The following MSRB3 variants were observed in gnomAD, a reference collection of about 807,000 sequenced individuals.
The protein encoded by MSRB3 is methionine sulfoxide reductase B3.
In MSRB3, 13 loss-of-function variants were observed where a neutral mutation model predicts 21.0. That is an observed-to-expected ratio of 0.62 (90% CI 0.40 to 0.98). The LOEUF (loss-of-function observed/expected upper bound fraction) is 0.98, where lower values mean the gene tolerates loss of function less well. Ranked by LOEUF, MSRB3 falls within the 50% of genes least tolerant of loss-of-function variation. The probability of loss-of-function intolerance (pLI) is 0.00; values close to 1 mark genes in which losing one functional copy is unlikely to be tolerated. For missense variants in MSRB3, 199 were observed against 230.3 expected (o/e 0.86, Z 0.88); for synonymous variants, 87 against 88.6 (o/e 0.98, Z 0.10).
intron 5 of MSRB3, among the ~76,000 whole-genome samples, chr12:65,396,216 C>G (rs1369484080): frequency 6.6e-6 from 1 of 152,152 alleles, no homozygotes; most frequent in East Asian, 1.9e-4. Context: ...TCATTTAGTT[C>G]AAAATATTTT....
intron 5 of MSRB3, among the ~76,000 whole-genome samples, chr12:65,432,939 G>A (rs1174754210): frequency 6.6e-6 from 1 of 151,936 alleles, no homozygotes; most frequent in African/African-American, 2.4e-5. Context: ...TATATTCTGA[G>A]TCCCTTAGGA....
chr12:65,347,368 A>G (rs1463610581), intron 4 of MSRB3, among the ~76,000 whole-genome samples: 1 of 152,166 alleles, frequency 6.6e-6, no homozygotes, highest in Non-Finnish European at 1.5e-5. Flanking sequence ...GAGTTCACTC[A>G]TGATTTGGCT....
At chr12:65,282,637 C>A (rs149079569) in intron 1 of MSRB3, among the ~76,000 whole-genome samples, 2 of 151,834 alleles carry the variant, frequency 1.3e-5, no homozygotes, top group East Asian at 3.9e-4. Flanking sequence ...TAGAACATTC[C>A]CTGTCTCTAG....
Position 65,466,392 on chromosome 12 carries a change from CAATG to C in MSRB3, c.*3073_*3076del, listed in dbSNP as rs1883575762. ...ATTTATTTTTGCAGGATATGGAGTGCAATGAACTGAGTCAATATGGCAAGGTGTA... is the reference window on the plus strand; with the variant it reads ...ATTTATTTTTGCAGGATATGGAGTGCAACTGAGTCAATATGGCAAGGTGTA... On this transcript the variant is annotated 3_prime_UTR_variant, in exon 7 of 7. Transcript: ENST00000308259. 1 of 152,128 alleles carries C rather than the reference CAATG, an allele frequency of 6.6e-6. No individual in the cohort carries two copies. Among genetic ancestry groups the C allele is most frequent in the Admixed American group, 6.6e-5 (1 of 15,266 alleles). 9.4% of individuals were successfully genotyped at this position (152,128 alleles called of 1,614,324 possible).
At chr12:65,302,221 C>A (rs1180343816) in intron 1 of MSRB3, among the ~76,000 whole-genome samples, 1 of 151,790 alleles carries the variant, frequency 6.6e-6, no homozygotes, top group Non-Finnish European at 1.5e-5. Flanking sequence ...TGTAAGGAAT[C>A]CTGAGATCCA....
In MSRB3 at chr12:65,449,812, G is replaced by A. The variant is rs542158853; in HGVS notation, c.293-3916G>A. ...AGCAATTCTTGTTAAATTAAGAATA[G>A]GACAATGAGGGCCACATTTTCTAGA... On this transcript the variant is annotated intron_variant, in intron 5 of 6. Transcript: ENST00000308259. Among the ~76,000 whole-genome samples, 29 of 152,244 alleles carry A rather than the reference G, an allele frequency of 1.9e-4. No homozygotes were observed. The East Asian group carries it at 1.9e-3, about 10-fold the overall frequency.
intron 5 of MSRB3, among the ~76,000 whole-genome samples, chr12:65,403,494 T>C (rs984025117): frequency 5.3e-5 from 8 of 152,180 alleles, no homozygotes; most frequent in African/African-American, 1.7e-4. Flanking sequence ...TTCGGACTGC[T>C]GTGCTGGCAG....
intron 4 of MSRB3, among the ~76,000 whole-genome samples, chr12:65,351,284 A>C (rs1264697263): frequency 2.7e-5 from 4 of 150,004 alleles, no homozygotes; most frequent in African/African-American, 1.0e-4. Context: ...GACACAACAT[A>C]CCAGAATCTC....
Position 65,416,585 on chromosome 12 carries a change from C to T in MSRB3, c.293-37143C>T, listed in dbSNP as rs79198512. On this transcript the variant is annotated intron_variant, in intron 5 of 6. Transcript: ENST00000308259. Reference sequence around the variant, plus strand: ...GCTACTAACCTCCACAACATGTTACCGTACTGAACACTGTAGGCAGTTGTA... The same window carrying T: ...GCTACTAACCTCCACAACATGTTACTGTACTGAACACTGTAGGCAGTTGTA... Among the ~76,000 whole-genome samples, 1,048 of 152,242 alleles carry T rather than the reference C, an allele frequency of 6.9e-3. 37 individuals are homozygous for T. The highest frequency in any genetic ancestry group is 0.053 in the Admixed American group (809 of 15,288).
intron 1 of MSRB3, 156 bp downstream of exon 1, chr12:65,279,021 G>A: frequency 9.7e-6 from 14 of 1,446,288 alleles, no homozygotes; most frequent in East Asian, 5.2e-5. Flanking sequence ...CCGAGAAGGG[G>A]AGCAGAAGGG....
chr12:65,297,216 T>C (rs1254627747), intron 1 of MSRB3, among the ~76,000 whole-genome samples: 2 of 151,740 alleles, frequency 1.3e-5, no homozygotes, highest in African/African-American at 4.8e-5. Flanking sequence ...ATGGGGCCTG[T>C]TGGAGGGTGG....
rs1272713713 is a variant in MSRB3 at position 65,348,516 on chromosome 12, G to T, written c.263+19913G>T. Among the ~76,000 whole-genome samples the T allele has an allele frequency of 4.6e-5, 7 of 152,008 alleles. No individual in the cohort carries two copies. In the East Asian group the frequency reaches 1.4e-3, roughly 29 times the overall value. ...GTCTTGCTAGCAGTCTATCAATTTT[G>T]TTGATCTTTTCAAAAAACCAGCTCC... On this transcript the variant is annotated intron_variant, in intron 4 of 6. Transcript: ENST00000308259.
chr12:65,427,547 G>A (rs974021733), intron 5 of MSRB3, among the ~76,000 whole-genome samples: 12 of 152,156 alleles, frequency 7.9e-5, no homozygotes, highest in African/African-American at 9.7e-5. Context: ...AGGCCCACTC[G>A]CAGTTTGGTG....
chr12:65,295,021 A>C lies in MSRB3; in HGVS notation c.-51-13508A>C, dbSNP rs373483131. On this transcript the variant is annotated intron_variant, in intron 1 of 6. Coordinates refer to ENST00000308259, the MANE Select transcript of MSRB3 (RefSeq NM_001031679.3). ...TTTTTAAAAAAATTATGTGCAGAAG[A>C]GATGGCACTATGTTGCCCAGACTGG... Among the ~76,000 whole-genome samples the C allele has an allele frequency of 3.9e-5, 6 of 152,128 alleles. No individual in the cohort carries two copies. In the East Asian group the frequency reaches 1.2e-3, roughly 29 times the overall value.
At chr12:65,351,820 G>A (rs1300325399) in intron 4 of MSRB3, among the ~76,000 whole-genome samples, 7 of 151,908 alleles carry the variant, frequency 4.6e-5, no homozygotes, top group Non-Finnish European at 8.8e-5. Context: ...GGCAATAATC[G>A]ATAGTTTACC....
chr12:65,432,955 A>G (rs1212874646), intron 5 of MSRB3, among the ~76,000 whole-genome samples: 1 of 152,000 alleles, frequency 6.6e-6, no homozygotes, highest in African/African-American at 2.4e-5. Flanking sequence ...TAGGATAGCT[A>G]TTATTAAAAA....
chr12:65,287,315 A>C (rs1448800502), intron 1 of MSRB3, among the ~76,000 whole-genome samples: 1 of 151,804 alleles, frequency 6.6e-6, no homozygotes, highest in African/African-American at 2.4e-5. Context: ...TTATGTAGAG[A>C]TAGGGTCTCC....
intron 2 of MSRB3, among the ~76,000 whole-genome samples, chr12:65,318,236 G>A (rs915819231): frequency 1.4e-4 from 21 of 152,084 alleles, no homozygotes; most frequent in African/African-American, 5.1e-4. Flanking sequence ...GGGTGGTAAT[G>A]TAATTTTGGA....
intron 1 of MSRB3, among the ~76,000 whole-genome samples, chr12:65,302,738 ACTCAACAAACG>A (rs1873410816): frequency 6.6e-6 from 1 of 152,194 alleles, no homozygotes; most frequent in South Asian, 2.1e-4. Flanking sequence ...TGATCAATTC[ACTCAACAAACG>A]CCAGTTGAGC....
Sources: gnomAD v4.1 joint callset for allele counts (sites outside exome capture counted in the v4.1 genomes callset) on GRCh38, gnomAD v4.1.1 for gene constraint, MANE v1.5 for transcripts, NCBI Gene and HGNC (gene_info 2026-07-23, HGNC 2026-07-21) for gene names.